ETV1: variants seen among roughly 807,000 people sequenced by gnomAD.
ETV1 encodes the protein ETS translocation variant 1.
Under a neutral mutation model 62.3 loss-of-function variants are expected in ETV1, and 27 were observed. That is an observed-to-expected ratio of 0.43 (90% CI 0.32 to 0.60). ETV1 has a LOEUF of 0.60. ETV1 is among the 20% of genes least tolerant of loss of function. The probability of loss-of-function intolerance (pLI) is 0.06; values close to 1 mark genes in which losing one functional copy is unlikely to be tolerated. For synonymous variants in ETV1, 222 were observed against 199.6 expected, an observed-to-expected ratio of 1.11 and a Z score of -0.94; for missense variants, 605 against 605.8, an observed-to-expected ratio of 1.00 and a Z score of 0.01.
At chr7:13,915,293 A>G (rs1784028247) in intron 9 of ETV1, among the ~76,000 whole-genome samples, 1 of 152,210 alleles carries the variant, frequency 6.6e-6, no homozygotes, top group Admixed American at 6.5e-5. Context: ...CAGAGCCAAA[A>G]TGTGTATGTA....
Position 13,892,251 on chromosome 7 carries a change from T to A in ETV1, c.*3615A>T, listed in dbSNP as rs1781432421. ...TTAACTGTTATTACTATTATTATCATACCTTCTGTTTTTCTGTTTCATGAC... is the reference window on the plus strand; with the variant it reads ...TTAACTGTTATTACTATTATTATCAAACCTTCTGTTTTTCTGTTTCATGAC... On this transcript the variant is annotated 3_prime_UTR_variant, in exon 14 of 14. Coordinates refer to ENST00000430479, the MANE Select transcript of ETV1 (RefSeq NM_004956.5). The A allele has an allele frequency of 4.3e-6, 1 of 232,554 alleles. No individual in the cohort carries two copies. Among genetic ancestry groups the A allele is most frequent in the African/African-American group, 2.2e-5 (1 of 45,422 alleles). 14.4% of individuals were successfully genotyped at this position (232,554 alleles called of 1,614,324 possible).
rs58867942 is a variant in ETV1, at chr7:13,910,228, C to CTTTTT, written c.872-533_872-529dup. Among the ~76,000 whole-genome samples the CTTTTT allele has an allele frequency of 1.6e-3, 197 of 120,234 alleles. 1 individual carries two copies. The highest frequency in any genetic ancestry group is 3.0e-3 in the African/African-American group (97 of 32,316). 78.9% of individuals were successfully genotyped at this position (120,234 alleles called of 152,430 possible). A position where few individuals can be genotyped will look rare whatever the true frequency, so the allele number is the denominator to read the frequency against. On this transcript the variant is annotated intron_variant, in intron 10 of 13. Coordinates refer to ENST00000430479, the MANE Select transcript of ETV1 (RefSeq NM_004956.5). ...AGATAAGAGGAAAAAAAAAGTTTCCCTTTTTTTTTTTTTTTTTTTGCTGTA... is the reference window on the plus strand; with the variant it reads ...AGATAAGAGGAAAAAAAAAGTTTCCCTTTTTTTTTTTTTTTTTTTTTTTTGCTGTA...
rs968682196 is a variant in ETV1, at chr7:13,917,840, A to T, written c.803-6533T>A. Among the ~76,000 whole-genome samples the T allele has an allele frequency of 2.6e-5, 4 of 151,838 alleles. No homozygotes were observed. The East Asian group carries it at 6.0e-4, about 23-fold the overall frequency. ...TTAGCCGGGCGTGGTGGCGGGCACCAGTAGTCCCAGCTACTCGGGAGGCTG... is the reference window on the plus strand; with the variant it reads ...TTAGCCGGGCGTGGTGGCGGGCACCTGTAGTCCCAGCTACTCGGGAGGCTG... On this transcript the variant is annotated intron_variant, in intron 9 of 13. Coordinates refer to ENST00000430479, the MANE Select transcript of ETV1 (RefSeq NM_004956.5).
At chr7:13,943,275 G>A (rs925726394) in intron 6 of ETV1, among the ~76,000 whole-genome samples, 11 of 152,118 alleles carry the variant, frequency 7.2e-5, no homozygotes, top group African/African-American at 4.8e-5. Context: ...TCAGAAAACT[G>A]CAAAATAATC....
At chr7:13,897,870 T>C (rs1782002906) in intron 13 of ETV1, among the ~76,000 whole-genome samples, 1 of 152,218 alleles carries the variant, frequency 6.6e-6, no homozygotes, top group Non-Finnish European at 1.5e-5. Flanking sequence ...TGTTTTATAA[T>C]GTGCTTTGTT....
At chr7:13,896,144 C>T (rs2128399495) in intron 13 of ETV1, 57 bp from the exon 14 acceptor site, 1 of 1,477,916 alleles carries the variant, frequency 6.8e-7, no homozygotes, top group African/African-American at 1.4e-5. Flanking sequence ...TGGGGAAGGA[C>T]AGGAAGGAAA....
intron 5 of ETV1, among the ~76,000 whole-genome samples, chr7:13,980,763 G>C (rs367555967): frequency 2.2e-4 from 33 of 152,100 alleles, no homozygotes; most frequent in African/African-American, 8.0e-4. Flanking sequence ...GTTTTACCTA[G>C]ATTATTATCC....
intron 8 of ETV1, among the ~76,000 whole-genome samples, chr7:13,933,515 C>T (rs886653180): frequency 5.9e-5 from 9 of 152,174 alleles, no homozygotes; most frequent in African/African-American, 2.2e-4. Context: ...TGCCAAAGGG[C>T]TGGCCCCAGG....
At chr7:13,939,020 C>T (rs3801098) in intron 7 of ETV1, 97 bp downstream of exon 7, 408,046 of 1,204,040 alleles carry the variant, frequency 0.34, 71,119 homozygotes, top group East Asian at 0.4. Context: ...ATATTAAAGA[C>T]GTTACTCATA....
intron 11 of ETV1, among the ~76,000 whole-genome samples, chr7:13,908,948 G>A (rs1783264908): frequency 6.6e-6 from 1 of 151,750 alleles, no homozygotes; most frequent in East Asian, 1.9e-4. Context: ...TTTTACCCAA[G>A]CTTCCTCAAG....
rs1167195895 is a variant in ETV1, at chr7:13,988,880, C to CAT, written c.45+127_45+128insAT. The CAT allele has an allele frequency of 1.9e-6, 3 of 1,558,140 alleles. No individual in the cohort carries two copies. The Admixed American group carries it at 5.3e-5, about 28-fold the overall frequency. On this transcript the variant is annotated intron_variant, in intron 3 of 13. Transcript: ENST00000430479. ...GGCTTCTAGAAGCAGAGTCGCCCTA[C>CAT]AGTGGCAACAAAGCAGATAAGTATC...
intron 6 of ETV1, among the ~76,000 whole-genome samples, chr7:13,960,541 A>C (rs571927807): frequency 6.6e-6 from 1 of 152,180 alleles, no homozygotes; most frequent in African/African-American, 2.4e-5. Context: ...CAAATTATAA[A>C]ACTTAGATTT....
chr7:13,904,672 T>G (rs73068148), intron 12 of ETV1, among the ~76,000 whole-genome samples: 10,035 of 152,056 alleles, frequency 0.066, 502 homozygotes, highest in African/African-American at 0.14. Context: ...GGGAAATAAC[T>G]GTTTAACTGA....
At chr7:13,901,243 G>A (rs1782391100) in intron 12 of ETV1, among the ~76,000 whole-genome samples, 1 of 152,142 alleles carries the variant, frequency 6.6e-6, no homozygotes, top group African/African-American at 2.4e-5. Flanking sequence ...GACCTCAGGT[G>A]GTCCACCCAC....
chr7:13,902,581 A>G (rs1357179462), intron 12 of ETV1, among the ~76,000 whole-genome samples: 1 of 152,220 alleles, frequency 6.6e-6, no homozygotes, highest in Non-Finnish European at 1.5e-5. Flanking sequence ...ATTTCATTCA[A>G]AAACCTAACT....
At chr7:13,914,075 G>A (rs1783870443) in intron 9 of ETV1, among the ~76,000 whole-genome samples, 2 of 151,512 alleles carry the variant, frequency 1.3e-5, no homozygotes, top group Non-Finnish European at 2.9e-5. Flanking sequence ...AGTAGAGACG[G>A]GGTTTCACCA....
intron 6 of ETV1, among the ~76,000 whole-genome samples, chr7:13,976,074 T>C (rs1203986043): frequency 6.6e-6 from 1 of 152,170 alleles, no homozygotes; most frequent in East Asian, 1.9e-4. Flanking sequence ...GGTGTCTAAT[T>C]AAGGTCTATA....
chr7:13,905,711 T>G (rs907865614), intron 12 of ETV1, among the ~76,000 whole-genome samples: 1 of 152,166 alleles, frequency 6.6e-6, no homozygotes. Flanking sequence ...TGTACAGTAT[T>G]ATCTCTGTCC....
intron 13 of ETV1, 118 bp downstream of exon 13, chr7:13,900,620 T>G (rs1304714992): frequency 1.3e-5 from 9 of 679,594 alleles, no homozygotes; most frequent in Non-Finnish European, 1.9e-5. Context: ...AGCTAAGCAT[T>G]TGTTAAAATG....
Sources: allele counts gnomAD v4.1 joint callset (sites outside exome capture counted in the v4.1 genomes callset), GRCh38; gene constraint gnomAD v4.1.1; transcripts MANE v1.5; gene names NCBI Gene and HGNC (gene_info 2026-07-23, HGNC 2026-07-21).